The following CLCN7 variants were observed in gnomAD, a reference collection of about 807,000 sequenced individuals.
CLCN7 encodes the protein H(+)/Cl(-) exchange transporter 7.
CLCN7 carries 60 observed loss-of-function variants against 102.1 expected under a neutral mutation model. The ratio of observed to expected loss-of-function variants is 0.59; its 90% CI spans 0.48 to 0.73. The LOEUF is 0.73. Among genes scored for constraint, CLCN7 ranks in the 30% least tolerant of loss-of-function variants. The pLI is 0.00. For synonymous variants in CLCN7, 560 were observed against 490.5 expected (o/e 1.14, Z -1.87); for missense variants, 962 against 1,125.7 (o/e 0.85, Z 2.08).
chr16:1,446,817 C>T lies in CLCN7; in HGVS notation c.2332-100G>A, dbSNP rs917195762. ...TGGCTGGGGCAGCACAGGCAGGGGG[C>T]CCTGGGGGCTTCAGCACAGCCCCCG... On this transcript the variant is annotated intron_variant, in intron 24 of 24. Transcript: ENST00000382745. 7 of 1,219,104 alleles carry T rather than the reference C, an allele frequency of 5.7e-6. No homozygotes were observed. The African/African-American group carries it at 7.5e-5, about 13-fold the overall frequency. The allele number at this position is 1,219,104 out of a possible 1,614,324, so 75.5% of individuals were successfully genotyped here.
intron 1 of CLCN7, chr16:1,472,668 A>C (rs145309014): frequency 1.3e-5 from 2 of 152,164 alleles, no homozygotes; most frequent in Non-Finnish European, 2.9e-5. Flanking sequence ...CAAGGTTCCT[A>C]ATCTTTACCT....
At chr16:1,470,931 C>A (rs1324663877) in intron 1 of CLCN7, among the ~76,000 whole-genome samples, 1 of 152,214 alleles carries the variant, frequency 6.6e-6, no homozygotes, top group Admixed American at 6.5e-5. Context: ...CTCACTGCCC[C>A]CTGAGACCCA....
At chr16:1,454,613 G>C in intron 12 of CLCN7, 148 bp from the exon 13 acceptor site, 1 of 807,296 alleles carries the variant, frequency 1.2e-6, no homozygotes, top group South Asian at 1.4e-5. Context: ...GTCCACAGGG[G>C]AGAAACACAC....
chr16:1,452,239 G>A (rs2038763150), intron 15 of CLCN7: 1 of 232,294 alleles, frequency 4.3e-6, no homozygotes, highest in South Asian at 6.2e-5. Context: ...CTCCCGCCGT[G>A]GCACCCACTG....
In CLCN7 at chr16:1,456,098, T is replaced by C; in HGVS notation, c.916+15A>G. The C allele has an allele frequency of 2.6e-6, 4 of 1,542,212 alleles. No individual in the cohort carries two copies. Among genetic ancestry groups the C allele is most frequent in the Non-Finnish European group, 3.5e-6 (4 of 1,140,926 alleles). ...GGCGAGGGCAAAGCATTGGACCCGG[T>C]GCGGCCCTCCTCACCCACGGGGGCT... On this transcript the variant is annotated intron_variant, in intron 10 of 24. Coordinates refer to ENST00000382745, the MANE Select transcript of CLCN7 (RefSeq NM_001287.6).
intron 4 of CLCN7, among the ~76,000 whole-genome samples, 181 bp downstream of exon 4, chr16:1,461,222 TGG>T (rs1294219176): frequency 6.6e-6 from 1 of 152,246 alleles, no homozygotes; most frequent in African/African-American, 2.4e-5. Context: ...GCAGCCTTCT[TGG>T]TTACGGTGAC....
chr16:1,465,522 A>G (rs1291641704), intron 1 of CLCN7, among the ~76,000 whole-genome samples, 184 bp from the exon 2 acceptor site: 1 of 152,094 alleles, frequency 6.6e-6, no homozygotes, highest in South Asian at 2.1e-4. Flanking sequence ...GGGCCCTGGA[A>G]GCAGAACTGA....
intron 23 of CLCN7, 59 bp downstream of exon 23, chr16:1,447,333 A>C: frequency 4.4e-6 from 6 of 1,367,348 alleles, no homozygotes; most frequent in Non-Finnish European, 5.9e-6. Context: ...GAGGCTCTGG[A>C]CCCCACCCCC....
chr16:1,474,045 T>C (rs77259422), intron 1 of CLCN7: 52,281 of 431,572 alleles, frequency 0.12, 3,944 homozygotes, highest in South Asian at 0.24. Flanking sequence ...GATCGCGCCA[T>C]TGCACTCCAG....
intron 14 of CLCN7, among the ~76,000 whole-genome samples, chr16:1,453,620 C>T (rs917450706): frequency 6.6e-6 from 1 of 152,228 alleles, no homozygotes; most frequent in Non-Finnish European, 1.5e-5. Flanking sequence ...CAGGAGCCCT[C>T]GCACTCCTAG....
chr16:1,456,323 G>T, intron 9 of CLCN7, 117 bp from the exon 10 acceptor site: 1 of 762,504 alleles, frequency 1.3e-6, no homozygotes, highest in Non-Finnish European at 2.3e-6. Flanking sequence ...GGACAACCGA[G>T]TCAGCAGCTC....
intron 17 of CLCN7, chr16:1,449,774 G>T (rs1402771429): frequency 9.1e-6 from 2 of 220,324 alleles, no homozygotes; most frequent in Non-Finnish European, 1.8e-5. Context: ...TTCTAGAAGT[G>T]GTAGTGACGG....
chr16:1,469,116 G>A (rs377071360), intron 1 of CLCN7, among the ~76,000 whole-genome samples: 4 of 151,740 alleles, frequency 2.6e-5, no homozygotes, highest in African/African-American at 9.7e-5. Flanking sequence ...TAAGGCAGGA[G>A]AACTGCTTGA....
chr16:1,459,418 G>T, intron 6 of CLCN7: 1 of 496,888 alleles, frequency 2.0e-6, no homozygotes, highest in African/African-American at 2.1e-5. Flanking sequence ...GGGAAGGGGA[G>T]CTCAGCACAC....
chr16:1,450,338 C>T (rs1252592056), intron 17 of CLCN7, 159 bp downstream of exon 17: 6 of 750,964 alleles, frequency 8.0e-6, no homozygotes, highest in South Asian at 3.3e-5. Flanking sequence ...CAGGACAACG[C>T]CCACGGCCCG....
rs567256668 is a variant in CLCN7 at position 1,457,405 on chromosome 16, C to T, written c.739-68G>A. On this transcript the variant is annotated intron_variant, in intron 8 of 24. Coordinates refer to ENST00000382745, the MANE Select transcript of CLCN7 (RefSeq NM_001287.6). This position sits in a 1 kb window ranked among gnomAD's most constrained non-coding sequence, Gnocchi z 5.4. ...GGCCCTTCCTGGAGACCAGAAGGAC[C>T]GATGCTCAGAGACACGCGTGACGCG... 92 of 1,446,362 alleles carry T rather than the reference C, an allele frequency of 6.4e-5. No homozygotes were observed. Among genetic ancestry groups the T allele is most frequent in the African/African-American group, 6.1e-4 (43 of 70,154 alleles). The allele number at this position is 1,446,362 out of a possible 1,614,324, so 89.6% of individuals were successfully genotyped here. A position where few individuals can be genotyped will look rare whatever the true frequency, so the allele number is the denominator to read the frequency against.
At chr16:1,447,315 C>T (rs914476541) in intron 23 of CLCN7, 77 bp downstream of exon 23, 4 of 1,436,640 alleles carry the variant, frequency 2.8e-6, no homozygotes, top group Non-Finnish European at 3.7e-6. Flanking sequence ...CCCCGGCTGC[C>T]CCTCCCCGAG....
intron 2 of CLCN7, among the ~76,000 whole-genome samples, chr16:1,464,477 G>GT (rs1345323740): frequency 6.6e-6 from 1 of 152,262 alleles, no homozygotes; most frequent in Non-Finnish European, 1.5e-5. Flanking sequence ...CAGCACAAAC[G>GT]TATCAGAAGG....
At chr16:1,468,382 G>A (rs1005219192) in intron 1 of CLCN7, among the ~76,000 whole-genome samples, 1 of 152,274 alleles carries the variant, frequency 6.6e-6, no homozygotes, top group African/African-American at 2.4e-5. Flanking sequence ...GGGCTCCGGC[G>A]CCTTGCCTTC....
Sources: gnomAD v4.1 joint callset for allele counts (sites outside exome capture counted in the v4.1 genomes callset) on GRCh38, gnomAD v4.1.1 for gene constraint, Gnocchi (gnomAD v3.1) non-coding constraint, MANE v1.5 for transcripts, NCBI Gene and HGNC (gene_info 2026-07-23, HGNC 2026-07-21) for gene names.